Variants in DOCK7 observed in about 807,000 individuals in gnomAD.
The protein encoded by DOCK7 is dedicator of cytokinesis protein 7.
A neutral mutation model predicts 271.0 loss-of-function variants in DOCK7; 138 were observed. The observed-to-expected ratio is 0.51, with a 90% CI of 0.44 to 0.59. The LOEUF is 0.59. Ranked by LOEUF, DOCK7 falls within the 20% of genes least tolerant of loss-of-function variation. DOCK7 has a pLI of 0.00. For missense variants in DOCK7, 2,066 were observed against 2,592.4 expected (o/e 0.80, Z 4.41); for synonymous variants, 823 against 876.1 (o/e 0.94, Z 1.07).
In DOCK7 at chr1:62,653,705, G is replaced by C. The variant is rs769975949; in HGVS notation, c.389+20C>G. On this transcript the variant is annotated intron_variant, in intron 4 of 49. Transcript: ENST00000635253. Reference sequence around the variant, plus strand: ...ATCTTACTCAATATTTGTAAATGTTGTAATAAACATATAACTTACTTTCTG... The same window carrying C: ...ATCTTACTCAATATTTGTAAATGTTCTAATAAACATATAACTTACTTTCTG... The C allele has an allele frequency of 3.9e-5, 56 of 1,425,866 alleles. No individual in the cohort carries two copies. Among genetic ancestry groups the C allele is most frequent in the Non-Finnish European group, 5.4e-5 (55 of 1,010,370 alleles). The allele number at this position is 1,425,866 out of a possible 1,614,324, so 88.3% of individuals were successfully genotyped here.
At chr1:62,470,477 T>G (rs1645799622) in intron 48 of DOCK7, among the ~76,000 whole-genome samples, 1 of 152,138 alleles carries the variant, frequency 6.6e-6, no homozygotes, top group African/African-American at 2.4e-5. Context: ...GACTATCAAC[T>G]GGGTTCAGTG....
rs144971658 is a variant in DOCK7 at position 62,595,143 on chromosome 1, C to A, written c.1683-8519G>T. ...CACAACCTAATCAAAAGATGTAATT[C>A]TTTAAAAAGGTACGAGACCAAAATT... On this transcript the variant is annotated intron_variant, in intron 14 of 49. Coordinates refer to ENST00000635253, the MANE Select transcript of DOCK7 (RefSeq NM_001367561.1). 4.0e-3 allele frequency among the ~76,000 whole-genome samples: 606 copies of A among 152,156 alleles called. 6 individuals carry two copies. Among genetic ancestry groups the A allele is most frequent in the African/African-American group, 0.013 (552 of 41,516 alleles).
chr1:62,504,190 T>G (rs1289027534), intron 37 of DOCK7, among the ~76,000 whole-genome samples: 1 of 151,858 alleles, frequency 6.6e-6, no homozygotes, highest in Non-Finnish European at 1.5e-5. Context: ...AATACTTACA[T>G]AAGCAAAAAT....
chr1:62,533,758 CT>C (rs1183393549), intron 29 of DOCK7, among the ~76,000 whole-genome samples: 1 of 152,180 alleles, frequency 6.6e-6, no homozygotes, highest in Non-Finnish European at 1.5e-5. Flanking sequence ...GACTATGCCC[CT>C]GACATACTGC....
rs115038153 is a variant in DOCK7, at chr1:62,659,422, T to C, written c.144+3603A>G. On this transcript the variant is annotated intron_variant, in intron 2 of 49. Transcript: ENST00000635253. ...CAAAGAGATACTCTCCACAACACTA[T>C]AAATCAAAATGGAATTCTAAAAAAT... Among the ~76,000 whole-genome samples, 839 of 151,450 alleles carry C rather than the reference T, an allele frequency of 5.5e-3. 12 individuals carry two copies. The highest frequency in any genetic ancestry group is 0.019 in the African/African-American group (791 of 41,284).
In DOCK7 at chr1:62,598,787, T is replaced by C. The variant is rs201826477; in HGVS notation, c.1683-12163A>G. The C allele has an allele frequency of 2.4e-5, 39 of 1,601,394 alleles. No homozygotes were observed. In the East Asian group the frequency reaches 8.1e-4, roughly 33 times the overall value. On this transcript the variant is annotated intron_variant, in intron 14 of 49. Coordinates refer to ENST00000635253, the MANE Select transcript of DOCK7 (RefSeq NM_001367561.1). ...CAATTAAACCAACAGCATAGTCAAA[T>C]AAAAGAAATAGAAAATCAGGTAAGT...
At chr1:62,565,085 AC>A (rs1463012289) in intron 18 of DOCK7, among the ~76,000 whole-genome samples, 1 of 152,098 alleles carries the variant, frequency 6.6e-6, no homozygotes, top group African/African-American at 2.4e-5. Flanking sequence ...AAAGTCCAGG[AC>A]CAGAAGGATT....
At chr1:62,624,205 C>CAT (rs999149093) in intron 12 of DOCK7, among the ~76,000 whole-genome samples, 10 of 151,900 alleles carry the variant, frequency 6.6e-5, no homozygotes, top group African/African-American at 2.4e-4. Flanking sequence ...CTAGTATATA[C>CAT]ATATACACAT....
intron 34 of DOCK7, among the ~76,000 whole-genome samples, chr1:62,510,360 T>TATATTTTAAACTCC (rs1644447301): frequency 6.6e-6 from 1 of 152,230 alleles, no homozygotes; most frequent in Non-Finnish European, 1.5e-5. Flanking sequence ...AAATGGAGTT[T>TATATTTTAAACTCC]AAAATATAAT....
Position 62,542,657 on chromosome 1 carries a change from C to T in DOCK7, c.2996G>A (p.Ser999Asn). The change falls in exon 25 of 50, where the codon AGC (serine) becomes AAC (asparagine). Residue 999 changes from serine (S) to asparagine (N), a missense_variant. By Grantham distance (46) the Ser-to-Asn change is conservative. This residue lies in a region of DOCK7 where 1,414 missense variants were observed against 1,670.4 expected (regional missense o/e 0.85). Coordinates refer to ENST00000635253, the MANE Select transcript of DOCK7 (RefSeq NM_001367561.1). ...TTGTTGCAAAGCTGATTCCCGAACG[C>T]TGCCACTGCAAACAACCCACTGCAA... ...LALQWVVCSG[S>N]VRESALQQAW... is the part of the protein sequence containing the mutation. 2 of 1,613,118 alleles carry T rather than the reference C, an allele frequency of 1.2e-6. No homozygotes were observed. Among genetic ancestry groups the T allele is most frequent in the Non-Finnish European group, 1.7e-6 (2 of 1,179,434 alleles).
intron 48 of DOCK7, among the ~76,000 whole-genome samples, chr1:62,464,339 G>A (rs1645614472): frequency 6.6e-6 from 1 of 151,248 alleles, no homozygotes; most frequent in Admixed American, 6.6e-5. Flanking sequence ...GGGATTACAG[G>A]CCTGAGCCAC....
chr1:62,581,331 A>C lies in DOCK7; in HGVS notation c.1871+1853T>G, dbSNP rs2149489125. Among the ~76,000 whole-genome samples the C allele has an allele frequency of 1.3e-5, 2 of 152,312 alleles. 1 individual carries two copies. Among genetic ancestry groups the C allele is most frequent in the South Asian group, 4.1e-4 (2 of 4,824 alleles). On this transcript the variant is annotated intron_variant, in intron 16 of 49. Coordinates refer to ENST00000635253, the MANE Select transcript of DOCK7 (RefSeq NM_001367561.1). The stretch of plus-strand genomic sequence containing the variant: ...ATAAAGCAGAAAAGAAATCAGCAAG[A>C]CTTAACAGATGATTGAATATTAGAG...
intron 49 of DOCK7, among the ~76,000 whole-genome samples, chr1:62,457,092 G>A (rs139698494): frequency 1.2e-3 from 183 of 152,182 alleles, no homozygotes; most frequent in African/African-American, 4.0e-3. Context: ...ATTATACAGA[G>A]GAGAAATCTA....
At chr1:62,545,756 C>T (rs893403497) in intron 22 of DOCK7, among the ~76,000 whole-genome samples, 1 of 152,070 alleles carries the variant, frequency 6.6e-6, no homozygotes, top group African/African-American at 2.4e-5. Context: ...TAAAACGCTA[C>T]TAAAGTATAT....
At chr1:62,476,274 C>A in intron 44 of DOCK7, 118 bp from the exon 45 acceptor site, 1 of 621,870 alleles carries the variant, frequency 1.6e-6, no homozygotes. Flanking sequence ...ACAATCATAT[C>A]AATAATTAAA....
At chr1:62,512,835 A>T (rs1644528908) in intron 33 of DOCK7, among the ~76,000 whole-genome samples, 1 of 151,726 alleles carries the variant, frequency 6.6e-6, no homozygotes, top group Non-Finnish European at 1.5e-5. Context: ...TGCTTGGGCG[A>T]GGGAGGTCAA....
chr1:62,665,168 T>A (rs1464175380), intron 1 of DOCK7, among the ~76,000 whole-genome samples: 2 of 152,068 alleles, frequency 1.3e-5, no homozygotes, highest in Non-Finnish European at 2.9e-5. Context: ...TTTGTATTTT[T>A]AGTAGAGACG....
intron 9 of DOCK7, 109 bp downstream of exon 9, chr1:62,634,664 T>TAA (rs1655034537): frequency 1.7e-6 from 2 of 1,176,988 alleles, no homozygotes; most frequent in East Asian, 2.4e-5. Context: ...AATATCAAGA[T>TAA]GAAAAAAATA....
rs528394785 is a variant in DOCK7, at chr1:62,551,931, G to T, written c.2766+801C>A. Among the ~76,000 whole-genome samples, 37 of 151,624 alleles carry T rather than the reference G, an allele frequency of 2.4e-4. No individual in the cohort carries two copies. In the East Asian group the frequency reaches 7.2e-3, roughly 29 times the overall value. On this transcript the variant is annotated intron_variant, in intron 22 of 49. Transcript: ENST00000635253. ...AGTTTATAATCTATCAAACCTAAAA[G>T]AAATAAATAGAATTATGCTAAATGA...
Sources: gnomAD v4.1 joint callset for allele counts (sites outside exome capture counted in the v4.1 genomes callset) on GRCh38, gnomAD v4.1.1 for gene constraint, gnomAD v4.1.1 regional missense constraint, MANE v1.5 for transcripts, NCBI Gene and HGNC (gene_info 2026-07-23, HGNC 2026-07-21) for gene names.